Variants in ZMIZ1 observed in about 807,000 individuals in gnomAD.
ZMIZ1 encodes the protein zinc finger MIZ domain-containing protein 1.
In ZMIZ1, 17 loss-of-function variants were observed where a neutral mutation model predicts 113.9. The observed-to-expected ratio is 0.15, with a 90% CI of 0.10 to 0.22. The LOEUF (loss-of-function observed/expected upper bound fraction) is 0.22. Among genes scored for constraint, ZMIZ1 ranks in the 10% least tolerant of loss-of-function variants. The pLI is 1.00. For missense variants in ZMIZ1, 1,059 were observed against 1,477.8 expected (o/e 0.72, Z 4.65); for synonymous variants, 607 against 603.1 (o/e 1.01, Z -0.09).
intron 8 of ZMIZ1, among the ~76,000 whole-genome samples, chr10:79,278,006 G>A (rs1321565083): frequency 6.6e-6 from 1 of 152,202 alleles, no homozygotes; most frequent in Non-Finnish European, 1.5e-5. Flanking sequence ...ATGATCAGGA[G>A]GGTCATTTGC....
intron 3 of ZMIZ1, among the ~76,000 whole-genome samples, chr10:79,152,157 G>A (rs1845740489): frequency 6.6e-6 from 1 of 152,188 alleles, no homozygotes; most frequent in African/African-American, 2.4e-5. Flanking sequence ...ATATTAGGCT[G>A]GCCAAGGGAT....
intron 4 of ZMIZ1, among the ~76,000 whole-genome samples, chr10:79,201,312 AAAAAG>A (rs1427081582): frequency 6.6e-6 from 1 of 152,216 alleles, no homozygotes. Flanking sequence ...CCATCTCAAA[AAAAAG>A]AAAAGAGAAG....
chr10:79,273,821 G>T (rs376495236), intron 7 of ZMIZ1, among the ~76,000 whole-genome samples: 1 of 152,288 alleles, frequency 6.6e-6, no homozygotes, highest in South Asian at 2.1e-4. Context: ...GAGGGTGGCC[G>T]TGGGTCTAAT....
intron 1 of ZMIZ1, among the ~76,000 whole-genome samples, chr10:79,094,126 G>C (rs1260196242): frequency 6.6e-6 from 1 of 152,192 alleles, no homozygotes; most frequent in Non-Finnish European, 1.5e-5. Flanking sequence ...GGACAGAAAG[G>C]GCCTAATTGA....
chr10:79,303,318 G>T (rs1810598446), intron 18 of ZMIZ1, among the ~76,000 whole-genome samples: 1 of 151,982 alleles, frequency 6.6e-6, no homozygotes, highest in African/African-American at 2.4e-5. Flanking sequence ...GCCAGGTGTG[G>T]TGGTTTGTGC....
rs116744418 is a variant in ZMIZ1, at chr10:79,192,618, T to C, written c.-49-8966T>C. Among the ~76,000 whole-genome samples, 576 of 152,100 alleles carry C rather than the reference T, an allele frequency of 3.8e-3. 3 individuals are homozygous for C. Among genetic ancestry groups the C allele is most frequent in the African/African-American group, 0.013 (550 of 41,474 alleles). On this transcript the variant is annotated intron_variant, in intron 4 of 24. Coordinates refer to ENST00000334512, the MANE Select transcript of ZMIZ1 (RefSeq NM_020338.4). ...GAAGGAGGGACTGAATTCTGAAGAG[T>C]TGTGGTCCGAATGCAGAATTTCACT... is the stretch of plus-strand genomic sequence containing the variant.
At chr10:79,175,614 GTGTGTGTGTGTGTGTGGAGGTTTT>G (rs1304512413) in intron 4 of ZMIZ1, among the ~76,000 whole-genome samples, 2,587 of 118,148 alleles carry the variant, frequency 0.022, 105 homozygotes, top group African/African-American at 0.085. Context: ...GTGTGTGTGT[GTGTGTGTGTGTGTGTGGAGGTTTT>G]TACAGACCCG....
intron 3 of ZMIZ1, among the ~76,000 whole-genome samples, chr10:79,143,635 A>G (rs1845361901): frequency 6.6e-6 from 1 of 151,812 alleles, no homozygotes; most frequent in Admixed American, 6.6e-5. Flanking sequence ...TGGTGGGGGG[A>G]CAGGTAAAGA....
At chr10:79,294,081 A>G (rs1374652296) in intron 12 of ZMIZ1, 3 of 257,932 alleles carry the variant, frequency 1.2e-5, no homozygotes, top group Non-Finnish European at 2.4e-5. Context: ...CTTCCAGTCT[A>G]TAAGGGCTGA....
At chr10:79,175,833 C>T (rs968429109) in intron 4 of ZMIZ1, among the ~76,000 whole-genome samples, 12 of 151,968 alleles carry the variant, frequency 7.9e-5, no homozygotes, top group Admixed American at 1.3e-4. Flanking sequence ...GCAAACCCTC[C>T]GGGCTTAGCC....
At chr10:79,226,167 C>T (rs2132757781) in intron 7 of ZMIZ1, among the ~76,000 whole-genome samples, 1 of 152,200 alleles carries the variant, frequency 6.6e-6, no homozygotes, top group East Asian at 1.9e-4. Flanking sequence ...ACATGTCCAA[C>T]CCTATGACTC....
intron 1 of ZMIZ1, among the ~76,000 whole-genome samples, chr10:79,104,186 A>T (rs1192759099): frequency 1.3e-5 from 2 of 152,342 alleles, no homozygotes; most frequent in African/African-American, 2.4e-5. Flanking sequence ...AGGATGGAGT[A>T]GAAGGTCTTC....
intron 16 of ZMIZ1, among the ~76,000 whole-genome samples, chr10:79,299,497 G>C (rs762101963): frequency 2.0e-5 from 3 of 152,234 alleles, no homozygotes; most frequent in Admixed American, 6.5e-5. Flanking sequence ...ACCGTGAGCT[G>C]ACAAGAGGGA....
At chr10:79,076,218 G>A (rs896429451) in intron 1 of ZMIZ1, among the ~76,000 whole-genome samples, 3 of 152,178 alleles carry the variant, frequency 2.0e-5, no homozygotes, top group Admixed American at 6.5e-5. Context: ...ACCGATCTGG[G>A]CCTGGAACCC....
intron 2 of ZMIZ1, among the ~76,000 whole-genome samples, chr10:79,120,895 C>G (rs563544494): frequency 1.3e-5 from 2 of 152,330 alleles, no homozygotes; most frequent in South Asian, 4.1e-4. Context: ...TGCTCCCGCT[C>G]TCCCACCTGC....
chr10:79,268,586 C>T (rs535688711), intron 7 of ZMIZ1, among the ~76,000 whole-genome samples: 1 of 152,220 alleles, frequency 6.6e-6, no homozygotes, highest in Non-Finnish European at 1.5e-5. Flanking sequence ...GTGCTAAACG[C>T]CGTGCTGGGT....
rs1255261152 is a variant in ZMIZ1, at chr10:79,314,076, ACTC to A, written c.*1332_*1334del. 1 of 456,786 alleles carries A rather than the reference ACTC, an allele frequency of 2.2e-6. No individual in the cohort carries two copies. The highest frequency in any genetic ancestry group is 2.3e-5 in the Admixed American group (1 of 42,570). 28.3% of individuals were successfully genotyped at this position (456,786 alleles called of 1,614,324 possible). A position where few individuals can be genotyped will look rare whatever the true frequency, so the allele number is the denominator to read the frequency against. On this transcript the variant is annotated 3_prime_UTR_variant, in exon 25 of 25. Coordinates refer to ENST00000334512, the MANE Select transcript of ZMIZ1 (RefSeq NM_020338.4). ...TTGGCTGCCAGCCTACCCTGCCTGC[ACTC>A]CTCCACCATCACAATCTCACCCAAA...
At chr10:79,095,900 C>T (rs1738967095) in intron 1 of ZMIZ1, among the ~76,000 whole-genome samples, 1 of 152,234 alleles carries the variant, frequency 6.6e-6, no homozygotes, top group South Asian at 2.1e-4. Flanking sequence ...CTTGTGTGTA[C>T]TACGTGTGGC....
rs201588703 is a variant in ZMIZ1, at chr10:79,292,221, T to C, written c.822T>C (p.Ala274=). ...MGIPPHTRPP[A]DFTQPAAAAA... is the part of the protein sequence containing the mutation. ...TCCCTCCGCACACCAGGCCGCCTGCTGACTTCACTCAGCCCGCGGCAGCCG... is the reference window on the plus strand; with the variant it reads ...TCCCTCCGCACACCAGGCCGCCTGCCGACTTCACTCAGCCCGCGGCAGCCG... The change falls in exon 11 of 25, where the codon GCT becomes GCC. Residue 274 remains alanine (A), a synonymous_variant. Coordinates refer to ENST00000334512, the MANE Select transcript of ZMIZ1 (RefSeq NM_020338.4). 3.1e-6 allele frequency: 5 copies of C among 1,612,518 alleles called. No individual in the cohort carries two copies. Among genetic ancestry groups the C allele is most frequent in the Non-Finnish European group, 4.2e-6 (5 of 1,179,686 alleles).
Sources: gnomAD v4.1 joint callset for allele counts (sites outside exome capture counted in the v4.1 genomes callset) on GRCh38, gnomAD v4.1.1 for gene constraint, MANE v1.5 for transcripts, NCBI Gene and HGNC (gene_info 2026-07-23, HGNC 2026-07-21) for gene names.